Variants in CEP290 observed in about 807,000 individuals in gnomAD.
The protein encoded by CEP290 is centrosomal protein of 290 kDa.
Under a neutral mutation model 344.9 loss-of-function variants are expected in CEP290, and 317 were observed. The observed-to-expected ratio is 0.92, with a 90% CI of 0.84 to 1.01. The LOEUF is 1.01. CEP290 is among the 50% of genes least tolerant of loss of function. The pLI is 0.00. For missense variants in CEP290, 2,754 were observed against 2,761.4 expected, an observed-to-expected ratio of 1.00 and a Z score of 0.06; for synonymous variants, 932 against 895.8, an observed-to-expected ratio of 1.04 and a Z score of -0.72.
In CEP290 at chr12:88,107,097, C is replaced by T. The variant is rs752115971; in HGVS notation, c.2485G>A (p.Glu829Lys). 1 of 1,508,670 alleles carries T rather than the reference C, an allele frequency of 6.6e-7. No homozygotes were observed. Among genetic ancestry groups the T allele is most frequent in the South Asian group, 1.3e-5 (1 of 78,086 alleles). 93.5% of individuals were successfully genotyped at this position (1,508,670 alleles called of 1,614,324 possible). The change falls in exon 24 of 54, where the codon GAA (glutamate) becomes AAA (lysine). Residue 829 changes from glutamate (E) to lysine (K), a missense_variant and splice_region_variant. By Grantham distance (56) the Glu-to-Lys change is moderately conservative (BLOSUM62 1). Transcript: ENST00000552810. ...GATTCTGTTTTCCAGGTCTCCTTTT[C>T]ACTAAAAACAAAACAAAACAAAAAG... The part of the protein sequence containing the change: ...QSLLYKEYLS[E>K]KETWKTESKT...
chr12:88,121,684 G>GC (rs1450795296), intron 13 of CEP290, among the ~76,000 whole-genome samples: 8 of 151,738 alleles, frequency 5.3e-5, no homozygotes, highest in Non-Finnish European at 1.0e-4. Context: ...CCTGCTAGCT[G>GC]AAATCCACAT....
At chr12:88,136,876 T>A (rs902615225) in intron 5 of CEP290, 90 bp from the exon 6 acceptor site, 2 of 1,162,354 alleles carry the variant, frequency 1.7e-6, no homozygotes, top group East Asian at 2.5e-5. Flanking sequence ...ATGCTGAATT[T>A]AAATTTGCAT....
In CEP290 at chr12:88,080,048, A is replaced by G. The variant is rs2468246; in HGVS notation, c.5226+134T>C. Reference sequence around the variant, plus strand: ...TGTCTAAAATACCTTGTTTAACAGCATAAGATAAAGCTCATACTTTTTATT... The same window carrying G: ...TGTCTAAAATACCTTGTTTAACAGCGTAAGATAAAGCTCATACTTTTTATT... On this transcript the variant is annotated intron_variant, in intron 38 of 53. Coordinates refer to ENST00000552810, the MANE Select transcript of CEP290 (RefSeq NM_025114.4). The G allele has an allele frequency of 0.88, 564,423 of 641,346 alleles. 255,499 individuals are homozygous for G. Among genetic ancestry groups the G allele is most frequent in the East Asian group, 0.95 (34,630 of 36,310 alleles). The allele number at this position is 641,346 out of a possible 1,614,324, so 39.7% of individuals were successfully genotyped here.
chr12:88,108,701 C>T (rs933021986), intron 23 of CEP290, among the ~76,000 whole-genome samples: 1 of 152,080 alleles, frequency 6.6e-6, no homozygotes, highest in Admixed American at 6.6e-5. Flanking sequence ...CACACTAGTC[C>T]GAGCATTTTC....
intron 30 of CEP290, among the ~76,000 whole-genome samples, 188 bp downstream of exon 30, chr12:88,090,540 G>A (rs979163912): frequency 1.3e-5 from 2 of 152,162 alleles, no homozygotes; most frequent in African/African-American, 2.4e-5. Flanking sequence ...TGAGGTGGGA[G>A]GATCACCTGA....
At chr12:88,115,419 T>C (rs2038979694) in intron 18 of CEP290, 9 of 1,109,198 alleles carry the variant, frequency 8.1e-6, no homozygotes, top group Non-Finnish European at 9.9e-6. Context: ...CAAAAAGATA[T>C]AACGGTTTTT....
At chr12:88,103,044 G>A (rs1354650919) in intron 25 of CEP290, 33 bp from the exon 26 acceptor site, 2 of 1,429,922 alleles carry the variant, frequency 1.4e-6, no homozygotes, top group East Asian at 2.8e-5. Flanking sequence ...AGTTATGCTG[G>A]TGTCTTTTTT....
Position 88,079,157 on chromosome 12 carries a change from T to C in CEP290, c.5299A>G (p.Thr1767Ala), listed in dbSNP as rs1451115875. ...TTGAGATGGGCCTCTTTTTGAGAAG[T>C]TGCAGAAATAATACGTTCTTCAGCA... ...AAAEERIISA[T>A]SQKEAHLNVQ... is the part of the protein sequence containing the mutation. Residue 1767 changes from threonine (T) to alanine (A), a missense_variant, in exon 39 of 54, where the codon ACT becomes GCT. Coordinates refer to ENST00000552810, the MANE Select transcript of CEP290 (RefSeq NM_025114.4). 6 of 1,605,548 alleles carry C rather than the reference T, an allele frequency of 3.7e-6. No individual in the cohort carries two copies. The East Asian group carries it at 6.8e-5, about 18-fold the overall frequency.
chr12:88,107,369 A>G (rs185175217), intron 23 of CEP290, among the ~76,000 whole-genome samples: 2 of 152,230 alleles, frequency 1.3e-5, no homozygotes, highest in East Asian at 3.9e-4. Context: ...ATATAATTGA[A>G]GCTGAATCTT....
chr12:88,135,164 A>G (rs1319547904), intron 6 of CEP290, among the ~76,000 whole-genome samples: 2 of 152,208 alleles, frequency 1.3e-5, no homozygotes, highest in African/African-American at 4.8e-5. Context: ...TAAAGACTCA[A>G]TAAAACTGAA....
intron 4 of CEP290, 63 bp downstream of exon 4, chr12:88,139,432 A>C: frequency 1.9e-6 from 2 of 1,054,946 alleles, no homozygotes; most frequent in Non-Finnish European, 2.7e-6. Context: ...AATTTTCTAC[A>C]GTTTAATGAA....
intron 13 of CEP290, among the ~76,000 whole-genome samples, chr12:88,122,784 C>G (rs570119238): frequency 6.6e-6 from 1 of 152,118 alleles, no homozygotes; most frequent in African/African-American, 2.4e-5. Flanking sequence ...ATAATAAACA[C>G]ATAAATAGAA....
intron 41 of CEP290, among the ~76,000 whole-genome samples, chr12:88,072,663 C>T (rs2035469323): frequency 1.3e-5 from 2 of 152,148 alleles, no homozygotes; most frequent in African/African-American, 4.8e-5. Flanking sequence ...TTCCTAGCAT[C>T]AGAGCCCCTT....
intron 26 of CEP290, among the ~76,000 whole-genome samples, chr12:88,101,356 C>T (rs905499824): frequency 6.6e-6 from 1 of 151,768 alleles, no homozygotes; most frequent in Non-Finnish European, 1.5e-5. Flanking sequence ...TGGTGGGTGC[C>T]TGTGGTACCA....
chr12:88,126,546 A>C (rs1342977862), intron 11 of CEP290, 108 bp from the exon 12 acceptor site: 4 of 752,564 alleles, frequency 5.3e-6, no homozygotes, highest in Non-Finnish European at 5.8e-6. Flanking sequence ...ACAGAAAATA[A>C]AAATTATTTG....
At chr12:88,065,680 G>A (rs2034867229) in intron 44 of CEP290, among the ~76,000 whole-genome samples, 1 of 152,110 alleles carries the variant, frequency 6.6e-6, no homozygotes, top group African/African-American at 2.4e-5. Flanking sequence ...CTGATTGGTA[G>A]ATATAAAATA....
Position 88,049,233 on chromosome 12 carries a change from T to A in CEP290, c.7391A>T (p.Glu2464Val). The change falls in exon 54 of 54, where the codon GAA becomes GTA. Residue 2464 changes from glutamate (E) to valine (V), a missense_variant. By Grantham distance (121) the Glu-to-Val change is moderately radical (BLOSUM62 -2). Transcript: ENST00000552810. ...ACTTTCTTCTTCATCTTCAAACTCT[T>A]CAGAAGCAGCAACAGGGCTAGTTAA... ...VELTSPVAAS[E>V]EFEDEEESPV... is the part of the protein sequence containing the mutation. 1 of 1,608,648 alleles carries A rather than the reference T, an allele frequency of 6.2e-7. No homozygotes were observed. The highest frequency in any genetic ancestry group is 8.5e-7 in the Non-Finnish European group (1 of 1,178,532).
chr12:88,083,206 G>A lies in CEP290; in HGVS notation c.4837C>T (p.Pro1613Ser). Residue 1613 changes from proline to serine, a missense_variant, in exon 37 of 54, where the codon CCA (proline) becomes TCA (serine). Pro to Ser is a moderately conservative substitution (Grantham distance 74, BLOSUM62 -1). Coordinates refer to ENST00000552810, the MANE Select transcript of CEP290 (RefSeq NM_025114.4). Reference protein sequence around the residue: ...AWDLMKQSPTPVPTNKHFIRL... With the variant: ...AWDLMKQSPTSVPTNKHFIRL... Reference sequence around the variant, plus strand: ...ATAAAATGCTTGTTGGTAGGAACTGGAGTGGGAGACTGTTTCATTAAATCC... The same window carrying A: ...ATAAAATGCTTGTTGGTAGGAACTGAAGTGGGAGACTGTTTCATTAAATCC... 1 of 1,503,106 alleles carries A rather than the reference G, an allele frequency of 6.7e-7. No homozygotes were observed. The allele number at this position is 1,503,106 out of a possible 1,614,324, so 93.1% of individuals were successfully genotyped here. A position where few individuals can be genotyped will look rare whatever the true frequency, so the allele number is the denominator to read the frequency against.
intron 43 of CEP290, among the ~76,000 whole-genome samples, chr12:88,070,744 C>T (rs1239534515): frequency 6.6e-6 from 1 of 152,022 alleles, no homozygotes; most frequent in Non-Finnish European, 1.5e-5. Flanking sequence ...ATGGAAATCC[C>T]TAGGGAAACA....
Sources: allele counts gnomAD v4.1 joint callset (sites outside exome capture counted in the v4.1 genomes callset), GRCh38; gene constraint gnomAD v4.1.1; transcripts MANE v1.5; gene names NCBI Gene and HGNC (gene_info 2026-07-23, HGNC 2026-07-21).